DNM3: variants seen among roughly 807,000 people sequenced by gnomAD.
DNM3 encodes the protein dynamin 3.
A neutral mutation model predicts 101.6 loss-of-function variants in DNM3; 47 were observed. The observed-to-expected ratio is 0.46, with a 90% CI of 0.37 to 0.59. DNM3 has a LOEUF of 0.59. Ranked by LOEUF, DNM3 falls within the 20% of genes least tolerant of loss-of-function variation. The probability of loss-of-function intolerance (pLI) is 0.00; values close to 1 mark genes in which losing one functional copy is unlikely to be tolerated. For synonymous variants in DNM3, 385 were observed against 387.9 expected (o/e 0.99, Z 0.09); for missense variants, 849 against 1,085.7 (o/e 0.78, Z 3.06).
At chr1:171,913,279 A>G (rs1474451479) in intron 1 of DNM3, among the ~76,000 whole-genome samples, 1 of 152,256 alleles carries the variant, frequency 6.6e-6, no homozygotes, top group East Asian at 1.9e-4. Context: ...TCAACAAAAA[A>G]TAAGTAAAAG....
intron 14 of DNM3, among the ~76,000 whole-genome samples, chr1:172,250,390 T>C (rs1366620927): frequency 6.6e-6 from 1 of 152,134 alleles, no homozygotes; most frequent in Non-Finnish European, 1.5e-5. Flanking sequence ...ATTGAGCCAA[T>C]TTGTAAGTGT....
At chr1:172,322,454 G>A (rs760109843) in intron 16 of DNM3, among the ~76,000 whole-genome samples, 8 of 152,300 alleles carry the variant, frequency 5.3e-5, no homozygotes, top group Admixed American at 2.6e-4. Flanking sequence ...ATGAATCACC[G>A]TCTTATTTTT....
At chr1:172,257,701 A>T (rs2062462567) in intron 15 of DNM3, among the ~76,000 whole-genome samples, 1 of 152,118 alleles carries the variant, frequency 6.6e-6, no homozygotes, top group African/African-American at 2.4e-5. Context: ...TATATCATTT[A>T]TGTGTTGAGA....
At chr1:172,012,020 T>C (rs763853705) in intron 4 of DNM3, among the ~76,000 whole-genome samples, 2 of 152,090 alleles carry the variant, frequency 1.3e-5, no homozygotes, top group Non-Finnish European at 2.9e-5. Context: ...CTTTCTAATT[T>C]GCAACATTTG....
intron 2 of DNM3, among the ~76,000 whole-genome samples, chr1:171,942,139 A>G (rs1489311222): frequency 2.0e-5 from 3 of 151,494 alleles, no homozygotes; most frequent in Non-Finnish European, 4.4e-5. Flanking sequence ...TTATTGAGCA[A>G]GCTGTTGGGG....
In DNM3 at chr1:172,057,729, G is replaced by A. The variant is rs373339342; in HGVS notation, c.1335+8979G>A. 6.0e-3 allele frequency among the ~76,000 whole-genome samples: 916 copies of A among 151,670 alleles called. 17 individuals carry two copies. The highest frequency in any genetic ancestry group is 0.021 in the African/African-American group (857 of 41,256). On this transcript the variant is annotated intron_variant, in intron 10 of 20. Transcript: ENST00000627582. Reference sequence around the variant, plus strand: ...TGGAAAGGAACAACCGGTACCAGCCGCTGCAAAATCATGCCAAAATGTAAA... The same window carrying A: ...TGGAAAGGAACAACCGGTACCAGCCACTGCAAAATCATGCCAAAATGTAAA...
At chr1:171,878,358 A>C (rs2125114353) in intron 1 of DNM3, among the ~76,000 whole-genome samples, 1 of 149,560 alleles carries the variant, frequency 6.7e-6, no homozygotes, top group South Asian at 2.1e-4. Context: ...TTGAAGAGAC[A>C]GAAAATATTA....
chr1:171,884,195 C>A (rs1166725499), intron 1 of DNM3, among the ~76,000 whole-genome samples: 1 of 152,130 alleles, frequency 6.6e-6, no homozygotes. Context: ...CACGTGGTTT[C>A]TGATTTGGTT....
chr1:171,895,748 C>G (rs968410207), intron 1 of DNM3, among the ~76,000 whole-genome samples: 1 of 152,018 alleles, frequency 6.6e-6, no homozygotes, highest in Non-Finnish European at 1.5e-5. Context: ...CCTAGGTTTT[C>G]TTCTAGGGTT....
At chr1:171,950,186 A>C (rs2042426905) in intron 2 of DNM3, among the ~76,000 whole-genome samples, 1 of 152,136 alleles carries the variant, frequency 6.6e-6, no homozygotes, top group Non-Finnish European at 1.5e-5. Context: ...CAAAATAATG[A>C]TGCAGCGTGA....
intron 13 of DNM3, among the ~76,000 whole-genome samples, chr1:172,104,348 TTTTG>T (rs1196098386): frequency 8.6e-5 from 13 of 152,032 alleles, no homozygotes; most frequent in Admixed American, 6.6e-5. Flanking sequence ...CTATTTAAAT[TTTTG>T]TTTGTTTGTT....
At chr1:172,414,453 T>G (rs149346593), downstream of DNM3, among the ~76,000 whole-genome samples, 4 of 152,362 alleles carry the variant, frequency 2.6e-5, no homozygotes, top group Non-Finnish European at 4.4e-5. Context: ...CACAGAAACC[T>G]TAAAATCAGA....
intron 2 of DNM3, among the ~76,000 whole-genome samples, chr1:171,970,685 T>C (rs1433784203): frequency 2.0e-5 from 3 of 152,092 alleles, no homozygotes; most frequent in Non-Finnish European, 2.9e-5. Flanking sequence ...AAATATAGGG[T>C]ATAGTAAGAA....
At chr1:172,387,069 T>C in intron 18 of DNM3, 64 bp from the exon 19 acceptor site, 1 of 1,375,308 alleles carries the variant, frequency 7.3e-7, no homozygotes, top group Non-Finnish European at 1.0e-6. Flanking sequence ...GCCACAGCCA[T>C]GTTTCTACCT....
chr1:172,186,943 C>T (rs2059548008), intron 14 of DNM3, among the ~76,000 whole-genome samples: 1 of 152,060 alleles, frequency 6.6e-6, no homozygotes, highest in Admixed American at 6.6e-5. Context: ...CTCTGAAAAC[C>T]TCACCATCCA....
At chr1:172,249,059 T>C (rs555380507) in intron 14 of DNM3, among the ~76,000 whole-genome samples, 3 of 152,290 alleles carry the variant, frequency 2.0e-5, no homozygotes, top group Admixed American at 6.5e-5. Flanking sequence ...TATGTATAAA[T>C]TGCCACGTGA....
intron 1 of DNM3, among the ~76,000 whole-genome samples, chr1:171,863,916 A>G (rs2034447709): frequency 2.0e-5 from 3 of 152,250 alleles, no homozygotes; most frequent in Non-Finnish European, 4.4e-5. Context: ...TATGAGCCTT[A>G]TTGAATGAAT....
chr1:172,160,065 A>G (rs1352601242), intron 14 of DNM3, among the ~76,000 whole-genome samples: 1 of 150,840 alleles, frequency 6.6e-6, no homozygotes, highest in Non-Finnish European at 1.5e-5. Context: ...TAAAAGATAA[A>G]AAAAAAAAAA....
At chr1:172,346,122 CA>C (rs554868535) in intron 17 of DNM3, among the ~76,000 whole-genome samples, 19,153 of 92,194 alleles carry the variant, frequency 0.21, 671 homozygotes, top group Non-Finnish European at 0.25. Context: ...GACTCCGTCT[CA>C]AAAAAAAAAA....
Sources: allele counts gnomAD v4.1 joint callset (sites outside exome capture counted in the v4.1 genomes callset), GRCh38; gene constraint gnomAD v4.1.1; transcripts MANE v1.5; gene names NCBI Gene and HGNC (gene_info 2026-07-23, HGNC 2026-07-21).